Variants in GRIP1 observed in about 807,000 individuals in gnomAD.
GRIP1 encodes glutamate receptor interacting protein 1.
GRIP1 carries 45 observed loss-of-function variants against 129.9 expected under a neutral mutation model. The ratio of observed to expected loss-of-function variants is 0.35; its 90% CI spans 0.27 to 0.44. GRIP1 has a LOEUF of 0.44. GRIP1 is among the 20% of genes least tolerant of loss of function. The pLI is 1.00. For synonymous variants in GRIP1, 530 were observed against 520.8 expected (o/e 1.02, Z -0.24); for missense variants, 1,196 against 1,396.8 (o/e 0.86, Z 2.29).
chr12:66,935,642 G>T (rs1299262244), intron 1 of GRIP1, among the ~76,000 whole-genome samples: 9 of 152,098 alleles, frequency 5.9e-5, no homozygotes, highest in Admixed American at 5.9e-4. Context: ...TCACAAATTG[G>T]GCAGCCCTCA....
At chr12:66,423,631 G>A (rs1390451967) in intron 14 of GRIP1, among the ~76,000 whole-genome samples, 1 of 152,158 alleles carries the variant, frequency 6.6e-6, no homozygotes, top group Admixed American at 6.6e-5. Context: ...AAGCGCCTCT[G>A]CTCTGGGCAC....
intron 1 of GRIP1, among the ~76,000 whole-genome samples, chr12:66,866,347 C>T (rs1422182775): frequency 3.9e-5 from 6 of 152,064 alleles, no homozygotes; most frequent in African/African-American, 1.4e-4. Flanking sequence ...GTGGTGCATG[C>T]CTGTAGTCCC....
At chr12:66,772,898 C>CA (rs2037863247) in intron 1 of GRIP1, among the ~76,000 whole-genome samples, 2 of 152,158 alleles carry the variant, frequency 1.3e-5, no homozygotes, top group South Asian at 2.1e-4. Flanking sequence ...AGCCATGCCT[C>CA]AGACCATCAA....
At chr12:66,382,852 G>T (rs1157563945) in intron 19 of GRIP1, among the ~76,000 whole-genome samples, 1 of 152,238 alleles carries the variant, frequency 6.6e-6, no homozygotes, top group African/African-American at 2.4e-5. Flanking sequence ...GCATGTGAAA[G>T]TGTCATCCTT....
At chr12:66,569,354 G>C (rs1337608678) in intron 2 of GRIP1, among the ~76,000 whole-genome samples, 1 of 152,144 alleles carries the variant, frequency 6.6e-6, no homozygotes, top group Non-Finnish European at 1.5e-5. Context: ...GCAGGCGCCT[G>C]CAATCCCAGC....
chr12:66,587,742 T>C (rs575184602), intron 2 of GRIP1, among the ~76,000 whole-genome samples: 1 of 152,310 alleles, frequency 6.6e-6, no homozygotes, highest in South Asian at 2.1e-4. Flanking sequence ...AAAAGGAGAA[T>C]GCAGCGAGTG....
chr12:66,714,989 A>C (rs1486181548), intron 1 of GRIP1, among the ~76,000 whole-genome samples: 1 of 151,900 alleles, frequency 6.6e-6, no homozygotes, highest in Non-Finnish European at 1.5e-5. Context: ...AGTCAAATCA[A>C]GGTTCTATAA....
At chr12:66,681,588 G>A (rs1335821411), upstream of GRIP1, among the ~76,000 whole-genome samples, 2 of 152,160 alleles carry the variant, frequency 1.3e-5, no homozygotes, top group Non-Finnish European at 2.9e-5. Flanking sequence ...TCATGAACAT[G>A]TTAATTATGG....
intron 1 of GRIP1, among the ~76,000 whole-genome samples, chr12:67,002,144 A>T (rs2042560213): frequency 6.6e-6 from 1 of 152,252 alleles, no homozygotes; most frequent in Non-Finnish European, 1.5e-5. Context: ...TTCAAACTCA[A>T]TTGTAGGAAA....
intron 3 of GRIP1, among the ~76,000 whole-genome samples, chr12:66,540,674 C>T (rs971756110): frequency 2.0e-5 from 3 of 152,208 alleles, no homozygotes; most frequent in Non-Finnish European, 2.9e-5. Flanking sequence ...GAAATCACCA[C>T]TTCAGATGAC....
intron 1 of GRIP1, among the ~76,000 whole-genome samples, chr12:66,606,309 TA>T (rs36079726): frequency 0.046 from 6,937 of 152,128 alleles, 315 homozygotes; most frequent in African/African-American, 0.12. Context: ...ATGTAAGGGG[TA>T]TAAGTTACAC....
chr12:67,065,434 G>GA (rs1392485617), intron 1 of GRIP1, among the ~76,000 whole-genome samples: 1 of 152,156 alleles, frequency 6.6e-6, no homozygotes, highest in Non-Finnish European at 1.5e-5. Context: ...GCAAGGGGGT[G>GA]AAGTGCTATA....
intron 2 of GRIP1, among the ~76,000 whole-genome samples, chr12:66,578,647 G>C (rs973150558): frequency 2.6e-5 from 4 of 151,690 alleles, no homozygotes; most frequent in African/African-American, 9.7e-5. Flanking sequence ...ACGGAGTCTC[G>C]CTGATTGCTA....
chr12:66,663,558 G>A (rs544076995), intron 1 of GRIP1, among the ~76,000 whole-genome samples: 1 of 152,276 alleles, frequency 6.6e-6, no homozygotes, highest in South Asian at 2.1e-4. Context: ...AATGCAGACA[G>A]CTCTGCACTT....
At chr12:66,870,529 T>G (rs1304946584) in intron 1 of GRIP1, among the ~76,000 whole-genome samples, 2 of 152,164 alleles carry the variant, frequency 1.3e-5, no homozygotes. Flanking sequence ...GCTTAAACTG[T>G]TAGACTGAAG....
intron 19 of GRIP1, among the ~76,000 whole-genome samples, chr12:66,389,385 G>A (rs1450877356): frequency 1.3e-5 from 2 of 150,988 alleles, no homozygotes; most frequent in Admixed American, 6.6e-5. Context: ...GTGCCACCAC[G>A]CCTGGCTAGT....
chr12:66,459,885 T>C (rs2059083399), intron 9 of GRIP1, among the ~76,000 whole-genome samples: 1 of 152,250 alleles, frequency 6.6e-6, no homozygotes, highest in South Asian at 2.1e-4. Flanking sequence ...GTTACATTTT[T>C]GGCATGTCCT....
chr12:66,948,328 T>C (rs1418149860), intron 1 of GRIP1, among the ~76,000 whole-genome samples: 1 of 152,234 alleles, frequency 6.6e-6, no homozygotes, highest in African/African-American at 2.4e-5. Flanking sequence ...TTCCTTCTTC[T>C]GTTCATTCTT....
At chr12:66,937,470 A>G (rs149647093) in intron 1 of GRIP1, among the ~76,000 whole-genome samples, 305 of 152,334 alleles carry the variant, frequency 2.0e-3, no homozygotes, top group Non-Finnish European at 3.7e-3. Flanking sequence ...TATTTGACAT[A>G]TGGATCAATG....
Sources: allele counts gnomAD v4.1 joint callset (sites outside exome capture counted in the v4.1 genomes callset), GRCh38; gene constraint gnomAD v4.1.1; transcripts MANE v1.5; gene names NCBI Gene and HGNC (gene_info 2026-07-23, HGNC 2026-07-21).